Variants in TMPRSS15 observed in about 807,000 individuals in gnomAD.
TMPRSS15 encodes the protein enteropeptidase.
Under a neutral mutation model 125.3 loss-of-function variants are expected in TMPRSS15, and 128 were observed. That is an observed-to-expected ratio of 1.02 (90% CI 0.89 to 1.18). TMPRSS15 has a LOEUF of 1.18. Ranked by LOEUF, TMPRSS15 falls within the 50% of genes most tolerant of loss-of-function variation. The pLI is 0.00. For synonymous variants in TMPRSS15, 446 were observed against 423.2 expected (o/e 1.05, Z -0.66); for missense variants, 1,283 against 1,212.7 (o/e 1.06, Z -0.86).
intron 8 of TMPRSS15, among the ~76,000 whole-genome samples, chr21:18,357,995 T>C (rs533680332): frequency 1.3e-5 from 2 of 151,966 alleles, no homozygotes; most frequent in East Asian, 3.9e-4. Flanking sequence ...TATCTTAAAA[T>C]TAAGCAACTA....
At chr21:18,470,266 T>C (rs556784749) in intron 1 of TMPRSS15, among the ~76,000 whole-genome samples, 1 of 152,132 alleles carries the variant, frequency 6.6e-6, no homozygotes, top group East Asian at 1.9e-4. Flanking sequence ...TTTTCTTGCA[T>C]ACTATTCCAT....
chr21:18,424,898 A>G (rs2076199413), intron 1 of TMPRSS15, among the ~76,000 whole-genome samples: 1 of 148,996 alleles, frequency 6.7e-6, no homozygotes. Flanking sequence ...ATTCATATAT[A>G]TTAATTCATA....
intron 16 of TMPRSS15, among the ~76,000 whole-genome samples, chr21:18,319,094 C>T (rs2075205862): frequency 6.6e-6 from 1 of 151,870 alleles, no homozygotes; most frequent in Non-Finnish European, 1.5e-5. Flanking sequence ...AAAAAAGAAA[C>T]AATTTTATGA....
intron 6 of TMPRSS15, among the ~76,000 whole-genome samples, chr21:18,368,900 G>A (rs2075764724): frequency 6.6e-6 from 1 of 152,144 alleles, no homozygotes; most frequent in South Asian, 2.1e-4. Context: ...GCTTGTGTAA[G>A]GCACTTTCTT....
intron 1 of TMPRSS15, chr21:18,460,563 T>C (rs1422504361): frequency 2.0e-5 from 3 of 152,196 alleles, no homozygotes; most frequent in Non-Finnish European, 4.4e-5. Context: ...TTTTAAAGAA[T>C]TGGCTCACCC....
In TMPRSS15 at chr21:18,364,592, T is replaced by C. The variant is rs371776534; in HGVS notation, c.773+548A>G. ...ATCAGCTATCAGCAGCCTAATTATT[T>C]TGATTATCTTCATGATTGGGTTGGT... On this transcript the variant is annotated intron_variant, in intron 7 of 24. Transcript: ENST00000284885. Among the ~76,000 whole-genome samples the C allele has an allele frequency of 9.2e-5, 14 of 152,292 alleles. No individual in the cohort carries two copies. The East Asian group carries it at 1.9e-3, about 21-fold the overall frequency.
chr21:18,394,265 A>G (rs2076014291), intron 3 of TMPRSS15, among the ~76,000 whole-genome samples: 1 of 152,200 alleles, frequency 6.6e-6, no homozygotes, highest in African/African-American at 2.4e-5. Flanking sequence ...TATCTCTCAT[A>G]GAATTTTAGG....
chr21:18,366,993 A>G (rs1032302013), intron 6 of TMPRSS15, among the ~76,000 whole-genome samples: 2 of 152,096 alleles, frequency 1.3e-5, no homozygotes, highest in African/African-American at 4.8e-5. Context: ...CTTGATTAAA[A>G]TATCATGTGT....
intron 16 of TMPRSS15, 81 bp downstream of exon 16, chr21:18,326,351 G>A (rs1200363010): frequency 6.4e-7 from 1 of 1,551,536 alleles, no homozygotes; most frequent in African/African-American, 1.4e-5. Context: ...TTAAAATCAT[G>A]ATTTTGGCCT....
chr21:18,274,558 A>G (rs917502101), intron 24 of TMPRSS15, among the ~76,000 whole-genome samples: 1 of 152,210 alleles, frequency 6.6e-6, no homozygotes, highest in Admixed American at 6.5e-5. Flanking sequence ...TTATTGCAAT[A>G]TTGACATTAG....
At chr21:18,343,476 C>A in intron 12 of TMPRSS15, 30 bp downstream of exon 12, 1 of 1,547,620 alleles carries the variant, frequency 6.5e-7, no homozygotes, top group South Asian at 1.1e-5. Flanking sequence ...AAAAAGGATA[C>A]AAATATAAAT....
At chr21:18,392,490 T>C (rs2075999158) in intron 3 of TMPRSS15, among the ~76,000 whole-genome samples, 1 of 152,172 alleles carries the variant, frequency 6.6e-6, no homozygotes, top group Admixed American at 6.5e-5. Flanking sequence ...GACTTCATCG[T>C]CCATATCACT....
chr21:18,482,927 A>C (rs984457300), intron 1 of TMPRSS15, among the ~76,000 whole-genome samples: 2 of 151,840 alleles, frequency 1.3e-5, no homozygotes, highest in Non-Finnish European at 2.9e-5. Context: ...AGAGTCAGTT[A>C]AACAAGACTT....
intron 1 of TMPRSS15, among the ~76,000 whole-genome samples, chr21:18,401,482 G>GA (rs2076094155): frequency 6.6e-6 from 1 of 152,238 alleles, no homozygotes; most frequent in South Asian, 2.1e-4. Context: ...TGCAGGAACA[G>GA]AAAAAACAAA....
chr21:18,341,046 T>C (rs2075440564), intron 13 of TMPRSS15, among the ~76,000 whole-genome samples: 1 of 151,946 alleles, frequency 6.6e-6, no homozygotes, highest in South Asian at 2.1e-4. Context: ...TACCTGAAAA[T>C]AATTATTGTT....
rs368090160 is a variant in TMPRSS15 at position 18,398,398 on chromosome 21, GT to G, written c.146-70del. 6.8e-4 allele frequency: 1,044 copies of G among 1,524,448 alleles called. 11 individuals carry two copies. In the African/African-American group the frequency reaches 0.013, roughly 19 times the overall value. The allele number at this position is 1,524,448 out of a possible 1,614,324, so 94.4% of individuals were successfully genotyped here. A position where few individuals can be genotyped will look rare whatever the true frequency, so the allele number is the denominator to read the frequency against. On this transcript the variant is annotated intron_variant, in intron 1 of 24. Transcript: ENST00000284885. ...GAGTAGGAGAAAATATGCACATTCT[GT>G]TAAGACATAGAAGTAAAGCTCTCGC... is the stretch of plus-strand genomic sequence containing the variant.
intron 6 of TMPRSS15, among the ~76,000 whole-genome samples, chr21:18,368,397 G>C (rs1393589588): frequency 6.6e-6 from 1 of 152,208 alleles, no homozygotes; most frequent in African/African-American, 2.4e-5. Flanking sequence ...TCATGTGACT[G>C]AGTTGGCCGA....
At chr21:18,294,180 A>C in intron 21 of TMPRSS15, 90 bp downstream of exon 21, 1 of 1,472,938 alleles carries the variant, frequency 6.8e-7, no homozygotes, top group Non-Finnish European at 9.5e-7. Flanking sequence ...CCCTGGTGGG[A>C]TGGTTTTGTG....
chr21:18,357,392 A>C (rs2147016562), intron 8 of TMPRSS15, among the ~76,000 whole-genome samples: 1 of 151,892 alleles, frequency 6.6e-6, no homozygotes, highest in East Asian at 1.9e-4. Flanking sequence ...TTGTAGATTA[A>C]AATGATGGAA....
Sources: gnomAD v4.1 joint callset for allele counts (sites outside exome capture counted in the v4.1 genomes callset) on GRCh38, gnomAD v4.1.1 for gene constraint, MANE v1.5 for transcripts, NCBI Gene and HGNC (gene_info 2026-07-23, HGNC 2026-07-21) for gene names.